The following ASIC2 variants were observed in gnomAD, a reference collection of about 807,000 sequenced individuals.
The protein encoded by ASIC2 is acid-sensing ion channel 2.
ASIC2 carries 25 observed loss-of-function variants against 57.3 expected under a neutral mutation model. That is an observed-to-expected ratio of 0.44 (90% CI 0.32 to 0.61). The LOEUF is 0.61. Among genes scored for constraint, ASIC2 ranks in the 20% least tolerant of loss-of-function variants. ASIC2 has a pLI of 0.06. For synonymous variants in ASIC2, 319 were observed against 307.5 expected (o/e 1.04, Z -0.39); for missense variants, 641 against 738.1 (o/e 0.87, Z 1.52).
intron 1 of ASIC2, among the ~76,000 whole-genome samples, chr17:33,366,954 G>A (rs765466400): frequency 6.6e-6 from 1 of 152,340 alleles, no homozygotes; most frequent in South Asian, 2.1e-4. Flanking sequence ...TTCACTTTCA[G>A]TGTTTCGTGG....
chr17:33,027,616 G>T (rs2091864528), intron 4 of ASIC2, among the ~76,000 whole-genome samples: 1 of 152,162 alleles, frequency 6.6e-6, no homozygotes, highest in Non-Finnish European at 1.5e-5. Flanking sequence ...TAGTAACCAG[G>T]TCATACAGTA....
intron 1 of ASIC2, among the ~76,000 whole-genome samples, chr17:33,465,292 A>G (rs576186509): frequency 6.6e-6 from 1 of 152,322 alleles, no homozygotes; most frequent in African/African-American, 2.4e-5. Context: ...CCTTGGGCTG[A>G]AAATACATTC....
chr17:33,242,531 C>T (rs1057231535), intron 1 of ASIC2, among the ~76,000 whole-genome samples: 15 of 152,126 alleles, frequency 9.9e-5, no homozygotes, highest in African/African-American at 3.6e-4. Flanking sequence ...TAAACAACTT[C>T]TCAGGATGAC....
At chr17:34,031,014 G>C (rs1489196198) in intron 1 of ASIC2, among the ~76,000 whole-genome samples, 1 of 152,240 alleles carries the variant, frequency 6.6e-6, no homozygotes, top group Non-Finnish European at 1.5e-5. Context: ...GAAGAGAGTA[G>C]TGGTTCTCCC....
At chr17:34,116,986 T>C (rs1911444796) in intron 1 of ASIC2, among the ~76,000 whole-genome samples, 1 of 152,002 alleles carries the variant, frequency 6.6e-6, no homozygotes, top group African/African-American at 2.4e-5. Context: ...ATGTAGTATG[T>C]GTGTGGTGCA....
chr17:33,104,297 A>G (rs1212891876), intron 2 of ASIC2, among the ~76,000 whole-genome samples: 1 of 152,230 alleles, frequency 6.6e-6, no homozygotes, highest in Non-Finnish European at 1.5e-5. Context: ...TCAGAAGCCT[A>G]GAATGTCAGC....
chr17:33,195,821 C>T (rs1906603413), intron 1 of ASIC2, among the ~76,000 whole-genome samples: 1 of 152,152 alleles, frequency 6.6e-6, no homozygotes, highest in Non-Finnish European at 1.5e-5. Context: ...TGACTGCCCT[C>T]CCCTCCTCAC....
At chr17:33,036,486 A>G (rs1308612875) in intron 3 of ASIC2, among the ~76,000 whole-genome samples, 2 of 152,184 alleles carry the variant, frequency 1.3e-5, no homozygotes, top group Non-Finnish European at 2.9e-5. Flanking sequence ...GCTGGAGTGC[A>G]GTGCCATGAT....
intron 1 of ASIC2, among the ~76,000 whole-genome samples, chr17:33,258,311 A>C (rs1909152076): frequency 6.6e-6 from 1 of 152,168 alleles, no homozygotes; most frequent in East Asian, 1.9e-4. Context: ...TGAAGCTTAC[A>C]TTCTACTGAG....
chr17:33,762,257 C>A (rs949590859), intron 1 of ASIC2, among the ~76,000 whole-genome samples: 1 of 152,026 alleles, frequency 6.6e-6, no homozygotes, highest in African/African-American at 2.4e-5. Flanking sequence ...TCCTGGGACC[C>A]AAAAGACCTC....
chr17:33,587,088 G>A (rs1362594036), intron 1 of ASIC2, among the ~76,000 whole-genome samples: 1 of 152,186 alleles, frequency 6.6e-6, no homozygotes, highest in Non-Finnish European at 1.5e-5. Context: ...TGTAAATAAT[G>A]TTCTGTTGGA....
At chr17:33,477,449 T>G (rs1913266523) in intron 1 of ASIC2, among the ~76,000 whole-genome samples, 1 of 152,194 alleles carries the variant, frequency 6.6e-6, no homozygotes, top group Admixed American at 6.5e-5. Flanking sequence ...CTAACATGAC[T>G]TCCTCTCTGG....
chr17:33,319,024 G>A (rs572999069), intron 1 of ASIC2, among the ~76,000 whole-genome samples: 1 of 152,278 alleles, frequency 6.6e-6, no homozygotes, highest in African/African-American at 2.4e-5. Context: ...CAGCACTTTC[G>A]GAAGCTGAGG....
chr17:34,011,768 C>A (rs1906774590), intron 1 of ASIC2, among the ~76,000 whole-genome samples: 1 of 152,196 alleles, frequency 6.6e-6, no homozygotes, highest in East Asian at 1.9e-4. Context: ...TAAGTAGCAT[C>A]TGACCCCATG....
At chr17:33,831,917 C>T (rs1013051897) in intron 1 of ASIC2, among the ~76,000 whole-genome samples, 2 of 152,230 alleles carry the variant, frequency 1.3e-5, no homozygotes, top group South Asian at 2.1e-4. Flanking sequence ...AGCAGCAGAT[C>T]AGCCCCCATG....
intron 1 of ASIC2, among the ~76,000 whole-genome samples, chr17:34,031,226 A>G (rs923728475): frequency 3.3e-5 from 5 of 152,198 alleles, no homozygotes; most frequent in Non-Finnish European, 5.9e-5. Flanking sequence ...TTCTTCAGCC[A>G]CCGCTGTGGA....
At chr17:33,728,384 C>T (rs1909630972) in intron 1 of ASIC2, among the ~76,000 whole-genome samples, 1 of 152,142 alleles carries the variant, frequency 6.6e-6, no homozygotes, top group African/African-American at 2.4e-5. Context: ...CCTACCCTAT[C>T]CTGCTCTTTT....
At chr17:34,056,246 T>C (rs139269285) in intron 1 of ASIC2, among the ~76,000 whole-genome samples, 92 of 152,276 alleles carry the variant, frequency 6.0e-4, no homozygotes, top group African/African-American at 2.0e-3. Context: ...GGCTGAGGCA[T>C]GGCAGAGTAG....
At chr17:33,547,945 A>C (rs927932536) in intron 1 of ASIC2, among the ~76,000 whole-genome samples, 1 of 152,248 alleles carries the variant, frequency 6.6e-6, no homozygotes, top group Non-Finnish European at 1.5e-5. Context: ...GAGGAATGAC[A>C]GATGGCAGCT....
Sources: allele counts gnomAD v4.1 joint callset (sites outside exome capture counted in the v4.1 genomes callset), GRCh38; gene constraint gnomAD v4.1.1; transcripts MANE v1.5; gene names NCBI Gene and HGNC (gene_info 2026-07-23, HGNC 2026-07-21).